SLC2A1: variants seen among roughly 807,000 people sequenced by gnomAD.
SLC2A1 encodes solute carrier family 2, facilitated glucose transporter member 1.
SLC2A1 carries 4 observed loss-of-function variants against 46.6 expected under a neutral mutation model. That is an observed-to-expected ratio of 0.09 (90% CI 0.04 to 0.20). The LOEUF is 0.20. SLC2A1 is among the 10% of genes least tolerant of loss of function. The pLI is 1.00. For synonymous variants in SLC2A1, 253 were observed against 270.0 expected, an observed-to-expected ratio of 0.94 and a Z score of 0.62; for missense variants, 352 against 667.0, an observed-to-expected ratio of 0.53 and a Z score of 5.20.
Position 42,929,246 on chromosome 1 carries a change from G to A in SLC2A1, c.936C>T (p.Gly312=). The change falls in exon 7 of 10, where the codon GGC becomes GGT. Residue 312 remains glycine (G), a synonymous_variant. Coordinates refer to ENST00000426263, the MANE Select transcript of SLC2A1 (RefSeq NM_006516.4). The surrounding 1 kb of genome is among the most constrained non-coding windows in gnomAD (Gnocchi z 6.0). ...TGAAGGCCGTGTTGACGATACCGGA[G>A]CCAATGGTGGCATACACAGGCTGCT... ...GVQQPVYATI[G]SGIVNTAFTV... 1 of 1,614,148 alleles carries A rather than the reference G, an allele frequency of 6.2e-7. No individual in the cohort carries two copies.
At chr1:42,931,808 AGAGT>A (rs1364728824) in intron 2 of SLC2A1, among the ~76,000 whole-genome samples, 1 of 145,438 alleles carries the variant, frequency 6.9e-6, no homozygotes, top group Non-Finnish European at 1.5e-5. Flanking sequence ...CCTGAGTGAC[AGAGT>A]GAGACTCTAT....
rs534567652 is a variant in SLC2A1 at position 42,926,283 on chromosome 1, A to C, written c.*758T>G. ...ATTTAATATTGACAACCAAAAATAT[A>C]TATAAATATCTTGCATCTATACACA... is the stretch of plus-strand genomic sequence containing the variant. On this transcript the variant is annotated 3_prime_UTR_variant, in exon 10 of 10. Coordinates refer to ENST00000426263, the MANE Select transcript of SLC2A1 (RefSeq NM_006516.4). 1 of 153,266 alleles carries C rather than the reference A, an allele frequency of 6.5e-6. No homozygotes were observed. The highest frequency in any genetic ancestry group is 1.9e-4 in the East Asian group (1 of 5,196). 9.5% of individuals were successfully genotyped at this position (153,266 alleles called of 1,614,324 possible).
rs562567513 is a variant in SLC2A1 at position 42,952,681 on chromosome 1, C to T, written c.18+5953G>A. Reference sequence around the variant, plus strand: ...TGAGGGCCACACCCAAGTTATCACACGCAGCAGGGAGCTGAAGGCAGCCCC... The same window carrying T: ...TGAGGGCCACACCCAAGTTATCACATGCAGCAGGGAGCTGAAGGCAGCCCC... On this transcript the variant is annotated intron_variant, in intron 1 of 9. Coordinates refer to ENST00000426263, the MANE Select transcript of SLC2A1 (RefSeq NM_006516.4). 9 of 212,966 alleles carry T rather than the reference C, an allele frequency of 4.2e-5. No individual in the cohort carries two copies. The East Asian group carries it at 8.9e-4, about 21-fold the overall frequency. 13.2% of individuals were successfully genotyped at this position (212,966 alleles called of 1,614,324 possible). A position where few individuals can be genotyped will look rare whatever the true frequency, so the allele number is the denominator to read the frequency against.
In SLC2A1 at chr1:42,939,720, G is replaced by A. The variant is rs576823857; in HGVS notation, c.114+3506C>T. Among the ~76,000 whole-genome samples the A allele has an allele frequency of 5.3e-5, 8 of 152,312 alleles. No homozygotes were observed. In the South Asian group the frequency reaches 1.7e-3, roughly 32 times the overall value. The stretch of plus-strand genomic sequence containing the variant: ...CCCAGCACTTTGGGAGGCCAAGGCA[G>A]GTGGATCGCCTGAGGTCAGGAGTTT... On this transcript the variant is annotated intron_variant, in intron 2 of 9. Coordinates refer to ENST00000426263, the MANE Select transcript of SLC2A1 (RefSeq NM_006516.4).
chr1:42,936,904 G>A (rs1570597589), intron 2 of SLC2A1, among the ~76,000 whole-genome samples: 2 of 152,048 alleles, frequency 1.3e-5, no homozygotes, highest in East Asian at 3.9e-4. Context: ...CACTGCAACT[G>A]GTTCTCAAAC....
In SLC2A1 at chr1:42,929,547, C is replaced by T; in HGVS notation, c.867+46G>A. 1 of 1,559,996 alleles carries T rather than the reference C, an allele frequency of 6.4e-7. No homozygotes were observed. The highest frequency in any genetic ancestry group is 8.8e-7 in the Non-Finnish European group (1 of 1,134,526). On this transcript the variant is annotated intron_variant, in intron 6 of 9. Transcript: ENST00000426263. The surrounding 1 kb of genome is among the most constrained non-coding windows in gnomAD (Gnocchi z 6.0). ...GACTTGTTCACCATGCACACTTGAC[C>T]AGAGGGCTTGGCTGGGGCACAGGAA...
chr1:42,933,275 A>C (rs907935562), intron 2 of SLC2A1, among the ~76,000 whole-genome samples: 1 of 151,882 alleles, frequency 6.6e-6, no homozygotes. Context: ...TATCAATCCA[A>C]TCTCCCTACC....
chr1:42,958,744 T>C lies in SLC2A1; in HGVS notation c.-93A>G, dbSNP rs1643809716. 3.8e-6 allele frequency: 5 copies of C among 1,323,056 alleles called. No homozygotes were observed. The African/African-American group carries it at 6.0e-5, about 16-fold the overall frequency. The allele number at this position is 1,323,056 out of a possible 1,614,324, so 82.0% of individuals were successfully genotyped here. A position where few individuals can be genotyped will look rare whatever the true frequency, so the allele number is the denominator to read the frequency against. ...TCTCCCGCTCAGGCTCGTGCTCCGG[T>C]CCGGGGACTCCCACTGCGACTCTGA... On this transcript the variant is annotated 5_prime_UTR_variant, in exon 1 of 10. Transcript: ENST00000426263.
chr1:42,945,283 A>G (rs944443878), intron 1 of SLC2A1, among the ~76,000 whole-genome samples: 1 of 152,144 alleles, frequency 6.6e-6, no homozygotes, highest in Non-Finnish European at 1.5e-5. Flanking sequence ...GATATAATGG[A>G]ATACATAACC....
intron 2 of SLC2A1, among the ~76,000 whole-genome samples, chr1:42,941,314 A>G (rs1427007155): frequency 6.6e-6 from 1 of 152,094 alleles, no homozygotes; most frequent in African/African-American, 2.4e-5. Flanking sequence ...CCATACTCAC[A>G]AGGCCCTTTG....
intron 1 of SLC2A1, chr1:42,951,992 G>T: frequency 2.4e-6 from 1 of 411,914 alleles, no homozygotes. Context: ...CTAGATGGGA[G>T]GGGGCATCCT....
intron 1 of SLC2A1, among the ~76,000 whole-genome samples, chr1:42,958,125 A>AG (rs1170545911): frequency 1.3e-5 from 2 of 152,074 alleles, no homozygotes; most frequent in African/African-American, 4.8e-5. Flanking sequence ...GCCCACCTAC[A>AG]GGGGCGTCCG....
Position 42,929,682 on chromosome 1 carries a change from G to C in SLC2A1, c.778C>G (p.Leu260Val), listed in dbSNP as rs1643466380. The C allele has an allele frequency of 6.2e-7, 1 of 1,613,788 alleles. No individual in the cohort carries two copies. The highest frequency in any genetic ancestry group is 1.1e-5 in the South Asian group (1 of 91,074). Residue 260 changes from leucine to valine, a missense_variant, in exon 6 of 10, where the codon CTG becomes GTG. Leu to Val is a conservative substitution (Grantham distance 32, BLOSUM62 1). Transcript: ENST00000426263. The surrounding 1 kb of genome is among the most constrained non-coding windows in gnomAD (Gnocchi z 6.0). ...QMMREKKVTILELFRSPAYRQ... is the reference protein window; with the variant it reads ...QMMREKKVTIVELFRSPAYRQ... Reference sequence around the variant, plus strand: ...TAGGCGGGGGAGCGGAACAGCTCCAGGATGGTGACCTTCTTCTCCCGCATC... The same window carrying C: ...TAGGCGGGGGAGCGGAACAGCTCCACGATGGTGACCTTCTTCTCCCGCATC...
chr1:42,941,348 C>G (rs922093476), intron 2 of SLC2A1, among the ~76,000 whole-genome samples: 4 of 152,164 alleles, frequency 2.6e-5, no homozygotes, highest in African/African-American at 9.7e-5. Flanking sequence ...GCCTACCTTA[C>G]CTTGTTGACC....
chr1:42,928,411 C>A (rs1292478981), intron 8 of SLC2A1, among the ~76,000 whole-genome samples: 2 of 152,140 alleles, frequency 1.3e-5, no homozygotes, highest in Non-Finnish European at 2.9e-5. Flanking sequence ...GTTAGCACAG[C>A]GGTCACAGTC....
intron 2 of SLC2A1, chr1:42,943,012 T>C: frequency 1.6e-6 from 1 of 614,010 alleles, no homozygotes; most frequent in Non-Finnish European, 2.9e-6. Context: ...CAGGATTCTG[T>C]GGGACCTGAG....
chr1:42,951,296 C>T (rs1643717305), intron 1 of SLC2A1, among the ~76,000 whole-genome samples: 1 of 152,094 alleles, frequency 6.6e-6, no homozygotes, highest in Non-Finnish European at 1.5e-5. Context: ...AAGAATGAAA[C>T]ACATCTGTGT....
intron 1 of SLC2A1, among the ~76,000 whole-genome samples, chr1:42,949,358 A>T (rs893688527): frequency 6.6e-6 from 1 of 152,226 alleles, no homozygotes; most frequent in Admixed American, 6.5e-5. Flanking sequence ...GTCAGAGGGC[A>T]GGTGCCCAGC....
rs1294452953 is a variant in SLC2A1 at position 42,954,381 on chromosome 1, C to T, written c.18+4253G>A. On this transcript the variant is annotated intron_variant, in intron 1 of 9. Coordinates refer to ENST00000426263, the MANE Select transcript of SLC2A1 (RefSeq NM_006516.4). The surrounding 1 kb of genome is among the most constrained non-coding windows in gnomAD (Gnocchi z 4.2). Reference sequence around the variant, plus strand: ...TAAAAAAAAATACAAAAAAATTAGCCGGGCATGGTGGCACATGCCTGTAAT... The same window carrying T: ...TAAAAAAAAATACAAAAAAATTAGCTGGGCATGGTGGCACATGCCTGTAAT... Among the ~76,000 whole-genome samples, 4 of 152,192 alleles carry T rather than the reference C, an allele frequency of 2.6e-5. No individual in the cohort carries two copies. Among genetic ancestry groups the T allele is most frequent in the Admixed American group, 6.5e-5 (1 of 15,292 alleles).
Sources: gnomAD v4.1 joint callset for allele counts (sites outside exome capture counted in the v4.1 genomes callset) on GRCh38, gnomAD v4.1.1 for gene constraint, Gnocchi (gnomAD v3.1) non-coding constraint, MANE v1.5 for transcripts, NCBI Gene and HGNC (gene_info 2026-07-23, HGNC 2026-07-21) for gene names.